Variants in PCNX4 observed in about 807,000 individuals in gnomAD.
The protein encoded by PCNX4 is pecanex-like protein 4.
Under a neutral mutation model 107.2 loss-of-function variants are expected in PCNX4, and 103 were observed. The ratio of observed to expected loss-of-function variants is 0.96; its 90% CI spans 0.82 to 1.13. The LOEUF (loss-of-function observed/expected upper bound fraction) is 1.13, where lower values mean the gene tolerates loss of function less well. PCNX4 is among the 50% of genes most tolerant of loss of function. PCNX4 has a pLI of 0.00. For missense variants in PCNX4, 1,528 were observed against 1,379.4 expected (o/e 1.11, Z -1.71); for synonymous variants, 541 against 481.7 (o/e 1.12, Z -1.61).
intron 10 of PCNX4, among the ~76,000 whole-genome samples, chr14:60,131,677 C>T (rs1595180599): frequency 6.6e-6 from 1 of 152,308 alleles, no homozygotes; most frequent in South Asian, 2.1e-4. Context: ...CAGTTGGCTT[C>T]TTTGTGGAAA....
intron 2 of PCNX4, among the ~76,000 whole-genome samples, chr14:60,111,509 A>G (rs777092221): frequency 4.6e-5 from 7 of 152,184 alleles, no homozygotes; most frequent in South Asian, 2.1e-4. Flanking sequence ...TATACACATG[A>G]TTGCCTTTAA....
intron 1 of PCNX4, among the ~76,000 whole-genome samples, chr14:60,096,490 G>A (rs1006840373): frequency 6.6e-6 from 1 of 152,148 alleles, no homozygotes; most frequent in Non-Finnish European, 1.5e-5. Flanking sequence ...AAATGAAAAA[G>A]GTTTGCTGGT....
Position 60,114,805 on chromosome 14 carries a change from T to C in PCNX4, c.795T>C (p.Asp265=). 1.2e-6 allele frequency: 2 copies of C among 1,613,956 alleles called. No homozygotes were observed. The highest frequency in any genetic ancestry group is 1.3e-5 in the African/African-American group (1 of 75,034). Residue 265 remains aspartate (D), a synonymous_variant, in exon 3 of 11, where the codon GAT becomes GAC. Coordinates refer to ENST00000406854, the MANE Select transcript of PCNX4 (RefSeq NM_001330177.2). ...LWALGTLPPP[D]ALLLWAMEQV... ...CACTTGGGACTCTGCCCCCACCCGA[T>C]GCACTTCTCTTATGGGCAATGGAGC... is the stretch of plus-strand genomic sequence containing the variant.
At chr14:60,121,350 AT>A in intron 8 of PCNX4, 51 bp downstream of exon 8, 1 of 1,571,820 alleles carries the variant, frequency 6.4e-7, no homozygotes, top group Non-Finnish European at 8.7e-7. Context: ...CATGTGTAAA[AT>A]TTTACCTGTT....
At chr14:60,120,804 C>CT (rs961811468) in intron 7 of PCNX4, among the ~76,000 whole-genome samples, 1 of 152,100 alleles carries the variant, frequency 6.6e-6, no homozygotes, top group African/African-American at 2.4e-5. Context: ...CCACAAAACA[C>CT]TTTTTATATG....
At chr14:60,121,721 A>G (rs1487580108) in intron 8 of PCNX4, among the ~76,000 whole-genome samples, 1 of 152,028 alleles carries the variant, frequency 6.6e-6, no homozygotes, top group African/African-American at 2.4e-5. Context: ...GCTGTTTATA[A>G]TTGTATCTCC....
rs759047887 is a variant in PCNX4, at chr14:60,136,016, A to G, written c.*1795A>G. ...CTTGCATCCTCCTCAAAGTGCTCCC[A>G]TATCTCCATTTCATTCATAGCCAGG... On this transcript the variant is annotated 3_prime_UTR_variant, in exon 11 of 11. Transcript: ENST00000406854. The G allele has an allele frequency of 6.6e-6, 1 of 151,888 alleles. No individual in the cohort carries two copies. Among genetic ancestry groups the G allele is most frequent in the Non-Finnish European group, 1.5e-5 (1 of 67,986 alleles). The allele number at this position is 151,888 out of a possible 1,614,324, so 9.4% of individuals were successfully genotyped here.
Position 60,107,883 on chromosome 14 carries a change from T to G in PCNX4, c.245T>G (p.Phe82Cys). The G allele has an allele frequency of 6.2e-7, 1 of 1,612,898 alleles. No individual in the cohort carries two copies. The highest frequency in any genetic ancestry group is 8.5e-7 in the Non-Finnish European group (1 of 1,179,888). Residue 82 changes from phenylalanine to cysteine, a missense_variant, in exon 2 of 11, where the codon TTT (phenylalanine) becomes TGT (cysteine). Phe to Cys is a radical substitution (Grantham distance 205, BLOSUM62 -2). Transcript: ENST00000406854. ...TAALSGGLMLFTAFVIQFTSL... is the reference protein window; with the variant it reads ...TAALSGGLMLCTAFVIQFTSL... ...GCACTTTCAGGTGGATTAATGCTTTTTACTGCATTTGTCATCCAGTTCACA... is the reference window on the plus strand; with the variant it reads ...GCACTTTCAGGTGGATTAATGCTTTGTACTGCATTTGTCATCCAGTTCACA...
chr14:60,100,663 T>C (rs1895513174), intron 1 of PCNX4, among the ~76,000 whole-genome samples: 3 of 152,236 alleles, frequency 2.0e-5, no homozygotes, highest in African/African-American at 7.2e-5. Flanking sequence ...AGCTCTGATT[T>C]GTTAAATCTT....
chr14:60,124,709 G>T lies in PCNX4; in HGVS notation c.2538G>T (p.Leu846Phe), dbSNP rs373372997. Residue 846 changes from leucine to phenylalanine, a missense_variant, in exon 9 of 11, where the codon TTG becomes TTT. Transcript: ENST00000406854. Reference sequence around the variant, plus strand: ...AAGAAAAACATCAGTTGAAAGATTTGCCAGGTACAAATTTGTTTATTCCAG... The same window carrying T: ...AAGAAAAACATCAGTTGAAAGATTTTCCAGGTACAAATTTGTTTATTCCAG... ...VIEEKHQLKD[L>F]PGTNLFIPGS... 3 of 1,613,012 alleles carry T rather than the reference G, an allele frequency of 1.9e-6. No individual in the cohort carries two copies. The highest frequency in any genetic ancestry group is 2.7e-5 in the African/African-American group (2 of 74,920).
At position 60,107,858 on chromosome 14, in the gene PCNX4, G is replaced by T; in HGVS notation, c.220G>T (p.Ala74Ser). ...CATCCTGAAAGACTATTATACAGCA[G>T]CACTTTCAGGTGGATTAATGCTTTT... Reference protein sequence around the residue: ...LGILKDYYTAALSGGLMLFTA... With the variant: ...LGILKDYYTASLSGGLMLFTA... Residue 74 changes from alanine to serine, a missense_variant, in exon 2 of 11, where the codon GCA becomes TCA. By Grantham distance (99) the Ala-to-Ser change is moderately conservative. Coordinates refer to ENST00000406854, the MANE Select transcript of PCNX4 (RefSeq NM_001330177.2). The T allele has an allele frequency of 6.2e-7, 1 of 1,612,716 alleles. No homozygotes were observed. Among genetic ancestry groups the T allele is most frequent in the Non-Finnish European group, 8.5e-7 (1 of 1,179,766 alleles).
intron 1 of PCNX4, among the ~76,000 whole-genome samples, chr14:60,092,740 G>T (rs1895329555): frequency 6.6e-6 from 1 of 152,118 alleles, no homozygotes; most frequent in Non-Finnish European, 1.5e-5. Context: ...CTGTACTCTC[G>T]CAATATCTCC....
At position 60,134,374 on chromosome 14, in the gene PCNX4, T is replaced by C. The variant is rs1896210718; in HGVS notation, c.*153T>C. 2 of 901,808 alleles carry C rather than the reference T, an allele frequency of 2.2e-6. No individual in the cohort carries two copies. Among genetic ancestry groups the C allele is most frequent in the Non-Finnish European group, 3.3e-6 (2 of 602,196 alleles). 55.9% of individuals were successfully genotyped at this position (901,808 alleles called of 1,614,324 possible). A position where few individuals can be genotyped will look rare whatever the true frequency, so the allele number is the denominator to read the frequency against. On this transcript the variant is annotated 3_prime_UTR_variant, in exon 11 of 11. Coordinates refer to ENST00000406854, the MANE Select transcript of PCNX4 (RefSeq NM_001330177.2). ...TCCGTAAAGTTGGTTCTCTTAGCCA[T>C]CTTAATGGTTCTAAAAAACAGCAAA...
At chr14:60,123,581 G>A (rs760312262) in intron 8 of PCNX4, among the ~76,000 whole-genome samples, 15 of 152,048 alleles carry the variant, frequency 9.9e-5, no homozygotes, top group Non-Finnish European at 1.8e-4. Context: ...TCCTTCTAAG[G>A]AGGTAATCAA....
intron 1 of PCNX4, among the ~76,000 whole-genome samples, chr14:60,105,204 G>T (rs1399683361): frequency 3.9e-5 from 6 of 152,144 alleles, no homozygotes; most frequent in Admixed American, 1.3e-4. Flanking sequence ...AGTGGTTTTG[G>T]TATACAGAGA....
At chr14:60,115,626 G>C in intron 4 of PCNX4, 93 bp from the exon 5 acceptor site, 1 of 1,357,130 alleles carries the variant, frequency 7.4e-7, no homozygotes, top group Non-Finnish European at 1.0e-6. Context: ...TCGCTTAAAT[G>C]TGCTCATAAA....
At position 60,144,911 on chromosome 14, in the gene PCNX4, G is replaced by C. The variant is rs1896359270; in HGVS notation, c.*10690G>C. Reference sequence around the variant, plus strand: ...TATTCAGAAGCATAAGAAGATTGCTGTTTTCATGTTTTCCATTTCTCCCTC... The same window carrying C: ...TATTCAGAAGCATAAGAAGATTGCTCTTTTCATGTTTTCCATTTCTCCCTC... On this transcript the variant is annotated 3_prime_UTR_variant, in exon 11 of 11. Transcript: ENST00000406854. The C allele has an allele frequency of 7.0e-7, 1 of 1,422,356 alleles. No individual in the cohort carries two copies. The highest frequency in any genetic ancestry group is 9.9e-7 in the Non-Finnish European group (1 of 1,009,408). The allele number at this position is 1,422,356 out of a possible 1,614,324, so 88.1% of individuals were successfully genotyped here. A position where few individuals can be genotyped will look rare whatever the true frequency, so the allele number is the denominator to read the frequency against.
At position 60,092,100 on chromosome 14, in the gene PCNX4, G is replaced by T. The variant is rs1346493587; in HGVS notation, c.-373G>T. On this transcript the variant is annotated 5_prime_UTR_variant, in exon 1 of 11. Transcript: ENST00000406854. ...TATTTCCCTGCTTCCTCTAGGCCAA[G>T]CCTGCTTTACGGCAGGGCCCGCCTC... 2.0e-5 allele frequency: 3 copies of T among 152,326 alleles called. No homozygotes were observed. The highest frequency in any genetic ancestry group is 6.5e-5 in the Admixed American group (1 of 15,290). 9.4% of individuals were successfully genotyped at this position (152,326 alleles called of 1,614,324 possible).
At chr14:60,096,802 G>A (rs1349783217) in intron 1 of PCNX4, among the ~76,000 whole-genome samples, 1 of 152,178 alleles carries the variant, frequency 6.6e-6, no homozygotes, top group African/African-American at 2.4e-5. Flanking sequence ...TGGCTGAGTT[G>A]GCCAAATGAA....
Sources: allele counts gnomAD v4.1 joint callset (sites outside exome capture counted in the v4.1 genomes callset), GRCh38; gene constraint gnomAD v4.1.1; transcripts MANE v1.5; gene names NCBI Gene and HGNC (gene_info 2026-07-23, HGNC 2026-07-21).